The following UTP20 variants were observed in gnomAD, a reference collection of about 807,000 sequenced individuals.
UTP20 encodes UTP20 small subunit processome component.
Under a neutral mutation model 329.5 loss-of-function variants are expected in UTP20, and 164 were observed. The observed-to-expected ratio is 0.50, with a 90% CI of 0.44 to 0.57. The LOEUF (loss-of-function observed/expected upper bound fraction) is 0.57. UTP20 is among the 20% of genes least tolerant of loss of function. The pLI, the probability that UTP20 is intolerant of heterozygous loss-of-function variation, is 0.00. For synonymous variants in UTP20, 1,151 were observed against 1,159.3 expected (o/e 0.99, Z 0.14); for missense variants, 3,055 against 3,284.2 (o/e 0.93, Z 1.71).
Position 101,291,764 on chromosome 12 carries a change from C to T in UTP20, c.914C>T (p.Thr305Ile), listed in dbSNP as rs765166437. Residue 305 changes from threonine (T) to isoleucine (I), a missense_variant, in exon 9 of 62, where the codon ACA (threonine) becomes ATA (isoleucine). Thr to Ile is a moderately conservative substitution (Grantham distance 89). This residue lies in a region of UTP20 where 2,445 missense variants were observed against 2,575.5 expected (regional missense o/e 0.95). Coordinates refer to ENST00000261637, the MANE Select transcript of UTP20 (RefSeq NM_014503.3). ...CAGGAATCGCTCTTGGATCTACACACAAAAGTAACAAAAACTAACTGTTGT... is the reference window on the plus strand; with the variant it reads ...CAGGAATCGCTCTTGGATCTACACATAAAAGTAACAAAAACTAACTGTTGT... ...CLQESLLDLH[T>I]KVTKTNCCES... 3 of 1,599,862 alleles carry T rather than the reference C, an allele frequency of 1.9e-6. No homozygotes were observed. The East Asian group carries it at 6.7e-5, about 36-fold the overall frequency.
At position 101,281,128 on chromosome 12, in the gene UTP20, G is replaced by T; in HGVS notation, c.58G>T (p.Ala20Ser). 1 of 1,612,048 alleles carries T rather than the reference G, an allele frequency of 6.2e-7. No individual in the cohort carries two copies. Among genetic ancestry groups the T allele is most frequent in the Non-Finnish European group, 8.5e-7 (1 of 1,178,934 alleles). The change falls in exon 2 of 62, where the codon GCT (alanine) becomes TCT (serine). Residue 20 changes from alanine to serine, a missense_variant. By Grantham distance (99) the Ala-to-Ser change is moderately conservative. Transcript: ENST00000261637. ...CTTTCCCTTCCAGTTTCTTACATTT[G>T]CTGAACGACTGGGGAATGTTAATAT... Reference protein sequence around the residue: ...TENTYRFLTFAERLGNVNIDI... With the variant: ...TENTYRFLTFSERLGNVNIDI...
chr12:101,298,417 A>G (rs1265449734), intron 12 of UTP20, among the ~76,000 whole-genome samples: 1 of 152,182 alleles, frequency 6.6e-6, no homozygotes, highest in Non-Finnish European at 1.5e-5. Flanking sequence ...CTCTCCAGAC[A>G]GAAGGAAAAG....
Position 101,338,916 on chromosome 12 carries a change from G to A in UTP20, c.3972G>A (p.Lys1324=), listed in dbSNP as rs757503653. 8 of 1,610,020 alleles carry A rather than the reference G, an allele frequency of 5.0e-6. No individual in the cohort carries two copies. The highest frequency in any genetic ancestry group is 6.8e-6 in the Non-Finnish European group (8 of 1,178,924). Residue 1324 remains lysine, a synonymous_variant, in exon 31 of 62, where the codon AAG becomes AAA. Transcript: ENST00000261637. ...TISAEKVKKK[K]NRAQVSKELG... ...GCGCAGAAAAGGTGAAAAAGAAAAA[G>A]AATAGAGCACAAGTCAGTAAAGAGC...
Position 101,338,920 on chromosome 12 carries a change from A to G in UTP20, c.3976A>G (p.Arg1326Gly), listed in dbSNP as rs550961139. 1.2e-6 allele frequency: 2 copies of G among 1,609,968 alleles called. No individual in the cohort carries two copies. The highest frequency in any genetic ancestry group is 4.5e-5 in the East Asian group (2 of 44,220). Residue 1326 changes from arginine (R) to glycine (G), a missense_variant, in exon 31 of 62, where the codon AGA becomes GGA. Arg to Gly is a moderately radical substitution (Grantham distance 125). Coordinates refer to ENST00000261637, the MANE Select transcript of UTP20 (RefSeq NM_014503.3). The part of the protein sequence containing the change: ...SAEKVKKKKN[R>G]AQVSKELGIL... ...AGAAAAGGTGAAAAAGAAAAAGAAT[A>G]GAGCACAAGTCAGTAAAGAGCTTGG...
At chr12:101,345,992 C>CA (rs1161808863) in intron 37 of UTP20, among the ~76,000 whole-genome samples, 1 of 152,074 alleles carries the variant, frequency 6.6e-6, no homozygotes, top group Non-Finnish European at 1.5e-5. Context: ...TCTCTGAAAG[C>CA]AAATCAAGGC....
chr12:101,342,752 T>A (rs921140642), intron 33 of UTP20, 35 bp from the exon 34 acceptor site: 2 of 1,597,574 alleles, frequency 1.3e-6, no homozygotes, highest in Non-Finnish European at 1.7e-6. Flanking sequence ...TAAAGTTTTA[T>A]TCACTGATAA....
rs1441560158 is a variant in UTP20 at position 101,372,933 on chromosome 12, C to T, written c.6848C>T (p.Pro2283Leu). 1 of 1,613,932 alleles carries T rather than the reference C, an allele frequency of 6.2e-7. No homozygotes were observed. The highest frequency in any genetic ancestry group is 8.5e-7 in the Non-Finnish European group (1 of 1,179,986). The change falls in exon 52 of 62, where the codon CCA becomes CTA. Residue 2283 changes from proline (P) to leucine (L), a missense_variant. Pro to Leu is a moderately conservative substitution (Grantham distance 98). Around this residue, in one of 3 missense-constraint regions of UTP20, gnomAD observed 273 missense variants for 363.1 expected, o/e 0.75. Coordinates refer to ENST00000261637, the MANE Select transcript of UTP20 (RefSeq NM_014503.3). ...LDYPLGDKLR[P>L]NLEFMLAQLN... ...TATCCCCTGGGTGACAAATTGAGAC[C>T]AAACTTGGAATTCATGCTCGCTCAA...
chr12:101,354,729 T>G, intron 40 of UTP20, 103 bp from the exon 41 acceptor site: 1 of 1,271,274 alleles, frequency 7.9e-7, no homozygotes, highest in Non-Finnish European at 1.1e-6. Context: ...GCTGATTAGA[T>G]ATTTTTTATC....
intron 51 of UTP20, 32 bp downstream of exon 51, chr12:101,371,200 G>A (rs749937119): frequency 1.3e-6 from 2 of 1,501,038 alleles, no homozygotes; most frequent in Non-Finnish European, 1.8e-6. Context: ...CCATAGCAAG[G>A]GCTGGGCCCT....
Position 101,295,333 on chromosome 12 carries a change from C to T in UTP20, c.1252-147C>T, listed in dbSNP as rs1007349366. 4.4e-6 allele frequency: 3 copies of T among 681,550 alleles called. No individual in the cohort carries two copies. In the Middle Eastern group the frequency reaches 1.3e-3, roughly 290 times the overall value. 42.2% of individuals were successfully genotyped at this position (681,550 alleles called of 1,614,324 possible). On this transcript the variant is annotated intron_variant, in intron 11 of 61. Coordinates refer to ENST00000261637, the MANE Select transcript of UTP20 (RefSeq NM_014503.3). The stretch of plus-strand genomic sequence containing the variant: ...CTCAGAGTTTTAAGACATGGCTGCA[C>T]AGTCTTTAGTTTCCATTGTTCCTAT...
chr12:101,324,858 A>T (rs1016635103), intron 25 of UTP20, among the ~76,000 whole-genome samples: 8 of 152,162 alleles, frequency 5.3e-5, no homozygotes, highest in African/African-American at 1.9e-4. Context: ...TAGTCTTTCA[A>T]TAAAGTGTTT....
At position 101,367,925 on chromosome 12, in the gene UTP20, G is replaced by A. The variant is rs189668108; in HGVS notation, c.6333G>A (p.Leu2111=). 6.2e-7 allele frequency: 1 copy of A among 1,613,804 alleles called. No individual in the cohort carries two copies. The highest frequency in any genetic ancestry group is 2.2e-5 in the East Asian group (1 of 44,860). Residue 2111 remains leucine (L), a synonymous_variant, in exon 48 of 62, where the codon CTG becomes CTA. Coordinates refer to ENST00000261637, the MANE Select transcript of UTP20 (RefSeq NM_014503.3). The stretch of plus-strand genomic sequence containing the variant: ...CAGGTGAATGTGTCCTGGAAATGCT[G>A]GATCCTTTTGTGTCTCTCCTCATAG... ...KSSGECVLEM[L]DPFVSLLIDC... is the part of the protein sequence containing the mutation.
At chr12:101,340,794 T>A (rs1456500571) in intron 32 of UTP20, among the ~76,000 whole-genome samples, 184 bp downstream of exon 32, 1 of 152,036 alleles carries the variant, frequency 6.6e-6, no homozygotes, top group Non-Finnish European at 1.5e-5. Context: ...ACACTAGGAA[T>A]GGGGGCAGGC....
chr12:101,289,938 T>C (rs1478578205), intron 6 of UTP20, 199 bp from the exon 7 acceptor site: 2 of 342,614 alleles, frequency 5.8e-6, no homozygotes, highest in Non-Finnish European at 1.0e-5. Context: ...GTAATACCAA[T>C]GAATTCACTC....
At chr12:101,376,291 A>AGTATTTACTAAATGGCATACATTATG (rs1280386582) in intron 56 of UTP20, among the ~76,000 whole-genome samples, 3 of 152,240 alleles carry the variant, frequency 2.0e-5, no homozygotes, top group Admixed American at 2.0e-4. Flanking sequence ...CATTATGTAC[A>AGTATTTACTAAATGGCATACATTATG]TATGCCAGTA....
In UTP20 at chr12:101,380,825, G is replaced by A. The variant is rs139014694; in HGVS notation, c.7585-315G>A. On this transcript the variant is annotated intron_variant, in intron 57 of 61. Transcript: ENST00000261637. ...GTTGCAGTGAGCCGAGATCACTCCA[G>A]TGCAGTCCAGCCCGGGCCACAGAGT... Among the ~76,000 whole-genome samples, 3 of 144,650 alleles carry A rather than the reference G, an allele frequency of 2.1e-5. No individual in the cohort carries two copies. In the East Asian group the frequency reaches 6.2e-4, roughly 30 times the overall value. The allele number at this position is 144,650 out of a possible 152,430, so 94.9% of individuals were successfully genotyped here.
chr12:101,297,611 G>A (rs930182356), intron 12 of UTP20, among the ~76,000 whole-genome samples: 1 of 152,146 alleles, frequency 6.6e-6, no homozygotes, highest in African/African-American at 2.4e-5. Context: ...TAAATGTATT[G>A]AATTCTGATT....
At chr12:101,342,871 GTAT>G (rs745496636) in intron 34 of UTP20, 34 bp downstream of exon 34, 2 of 1,610,226 alleles carry the variant, frequency 1.2e-6, no homozygotes, top group East Asian at 4.5e-5. Flanking sequence ...GGCTTCAAAA[GTAT>G]TATCATTTTT....
At position 101,351,723 on chromosome 12, in the gene UTP20, T is replaced by A. The variant is rs539179666; in HGVS notation, c.4885-332T>A. The stretch of plus-strand genomic sequence containing the variant: ...ACCCCCACCACCGACAATGTACTTT[T>A]GAGGGCTGAGTAGCACAATATATAG... On this transcript the variant is annotated intron_variant, in intron 38 of 61. Transcript: ENST00000261637. 3.3e-5 allele frequency among the ~76,000 whole-genome samples: 5 copies of A among 152,208 alleles called. No individual in the cohort carries two copies. In the East Asian group the frequency reaches 9.6e-4, roughly 29 times the overall value.
Sources: gnomAD v4.1 joint callset for allele counts (sites outside exome capture counted in the v4.1 genomes callset) on GRCh38, gnomAD v4.1.1 for gene constraint, gnomAD v4.1.1 regional missense constraint, MANE v1.5 for transcripts, NCBI Gene and HGNC (gene_info 2026-07-23, HGNC 2026-07-21) for gene names.